Variants in OTUD7A observed in about 807,000 individuals in gnomAD.
The protein encoded by OTUD7A is OTU deubiquitinase 7A.
In OTUD7A, 12 loss-of-function variants were observed where a neutral mutation model predicts 65.7. The observed-to-expected ratio is 0.18, with a 90% CI of 0.12 to 0.30. The LOEUF (loss-of-function observed/expected upper bound fraction) is 0.30, where lower values mean the gene tolerates loss of function less well. OTUD7A is among the 10% of genes least tolerant of loss of function. OTUD7A has a pLI of 1.00. For synonymous variants in OTUD7A, 641 were observed against 586.3 expected (o/e 1.09, Z -1.35); for missense variants, 1,148 against 1,304.8 (o/e 0.88, Z 1.85).
rs1006031863 is a variant in OTUD7A, at chr15:31,600,126, C to T, written c.152-29929G>A. Among the ~76,000 whole-genome samples, 15 of 152,256 alleles carry T rather than the reference C, an allele frequency of 9.9e-5. No homozygotes were observed. In the South Asian group the frequency reaches 1.2e-3, roughly 13 times the overall value. Reference sequence around the variant, plus strand: ...AGCAAGGCAGGCCAACATTCAAATTCAGGAAATACAGAGAACACCACAAAG... The same window carrying T: ...AGCAAGGCAGGCCAACATTCAAATTTAGGAAATACAGAGAACACCACAAAG... On this transcript the variant is annotated intron_variant, in intron 3 of 12. Coordinates refer to ENST00000307050, the MANE Select transcript of OTUD7A (RefSeq NM_001382637.1).
At chr15:31,583,439 C>T (rs1031327792) in intron 3 of OTUD7A, among the ~76,000 whole-genome samples, 19 of 152,222 alleles carry the variant, frequency 1.2e-4, no homozygotes, top group Admixed American at 9.8e-4. Context: ...GCTGTGTCCC[C>T]ACCCAAATCT....
chr15:31,829,565 T>G (rs1213649321), intron 1 of OTUD7A, among the ~76,000 whole-genome samples: 1 of 152,222 alleles, frequency 6.6e-6, no homozygotes, highest in East Asian at 1.9e-4. Context: ...CATGTGCAGA[T>G]ACCTGTAATG....
chr15:31,794,622 T>C lies in OTUD7A; in HGVS notation c.-100+75885A>G, dbSNP rs1272352792. On this transcript the variant is annotated intron_variant, in intron 1 of 12. Coordinates refer to ENST00000307050, the MANE Select transcript of OTUD7A (RefSeq NM_001382637.1). ...CTGGCCTTGTTCTAAAGGCCGGGAATAGAATAGTGAAAAAAAAAAAAAAAA... is the reference window on the plus strand; with the variant it reads ...CTGGCCTTGTTCTAAAGGCCGGGAACAGAATAGTGAAAAAAAAAAAAAAAA... Among the ~76,000 whole-genome samples, 43 of 116,496 alleles carry C rather than the reference T, an allele frequency of 3.7e-4. No individual in the cohort carries two copies. The Admixed American group carries it at 4.3e-3, about 12-fold the overall frequency. 76.4% of individuals were successfully genotyped at this position (116,496 alleles called of 152,430 possible).
rs114184320 is a variant in OTUD7A at position 31,514,644 on chromosome 15, T to C, written c.894-10826A>G. Among the ~76,000 whole-genome samples, 459 of 152,352 alleles carry C rather than the reference T, an allele frequency of 3.0e-3. 2 individuals are homozygous for C. The highest frequency in any genetic ancestry group is 0.011 in the African/African-American group (450 of 41,590). On this transcript the variant is annotated intron_variant, in intron 8 of 12. Coordinates refer to ENST00000307050, the MANE Select transcript of OTUD7A (RefSeq NM_001382637.1). ...TTTCCTTATTTGATCAGTCTTCCCA[T>C]ATGTCAGCCATCTCCCACCTCTGCT... is the stretch of plus-strand genomic sequence containing the variant.
At chr15:31,592,896 AAAAAAAAAATATATAT>A (rs1889775585) in intron 3 of OTUD7A, among the ~76,000 whole-genome samples, 1 of 60,818 alleles carries the variant, frequency 1.6e-5, no homozygotes, top group Non-Finnish European at 2.7e-5. Context: ...AAAAAAAAAA[AAAAAAAAAATATATAT>A]ATATATATAT....
At chr15:31,835,237 C>T (rs1437062425) in intron 1 of OTUD7A, among the ~76,000 whole-genome samples, 1 of 152,208 alleles carries the variant, frequency 6.6e-6, no homozygotes, top group Admixed American at 6.5e-5. Flanking sequence ...ACAGGATGTC[C>T]AATTCATCTT....
chr15:31,820,307 C>A (rs992962442), intron 1 of OTUD7A, among the ~76,000 whole-genome samples: 2 of 152,178 alleles, frequency 1.3e-5, no homozygotes, highest in African/African-American at 4.8e-5. Flanking sequence ...ACCCACACAC[C>A]ATTTGCCTTC....
At chr15:31,764,865 A>C (rs1368135153) in intron 1 of OTUD7A, among the ~76,000 whole-genome samples, 1 of 152,152 alleles carries the variant, frequency 6.6e-6, no homozygotes, top group Non-Finnish European at 1.5e-5. Flanking sequence ...TCATCATAGA[A>C]GTCAGTCTTT....
chr15:31,489,276 A>G (rs1478100486), intron 10 of OTUD7A, among the ~76,000 whole-genome samples: 1 of 152,234 alleles, frequency 6.6e-6, no homozygotes, highest in Non-Finnish European at 1.5e-5. Context: ...CAAAGTGTCC[A>G]GGAAAGGGAC....
At chr15:31,852,161 C>T (rs890603919) in intron 1 of OTUD7A, among the ~76,000 whole-genome samples, 2 of 152,212 alleles carry the variant, frequency 1.3e-5, no homozygotes, top group Non-Finnish European at 2.9e-5. Flanking sequence ...CCAGCCCTGA[C>T]TGCCTTTTAA....
chr15:31,583,293 T>A (rs1036375626), intron 3 of OTUD7A, among the ~76,000 whole-genome samples: 1 of 152,340 alleles, frequency 6.6e-6, no homozygotes, highest in African/African-American at 2.4e-5. Context: ...CACTTTTCTA[T>A]GGATGCAGTT....
chr15:31,652,395 A>C (rs1891866927), intron 3 of OTUD7A, among the ~76,000 whole-genome samples: 1 of 152,244 alleles, frequency 6.6e-6, no homozygotes, highest in Non-Finnish European at 1.5e-5. Flanking sequence ...CTTTTAAAAG[A>C]CCAACTACAA....
chr15:31,717,084 A>G lies in OTUD7A; in HGVS notation c.-99-60007T>C, dbSNP rs577032339. Among the ~76,000 whole-genome samples, 5 of 152,314 alleles carry G rather than the reference A, an allele frequency of 3.3e-5. No individual in the cohort carries two copies. The East Asian group carries it at 9.6e-4, about 29-fold the overall frequency. ...TTCTCTCCACATACAAGTCTGTTCT[A>G]CAGATACTATTCAGGTTTCATCCAT... is the stretch of plus-strand genomic sequence containing the variant. On this transcript the variant is annotated intron_variant, in intron 1 of 12. Coordinates refer to ENST00000307050, the MANE Select transcript of OTUD7A (RefSeq NM_001382637.1).
chr15:31,664,851 G>T (rs1214446480), intron 1 of OTUD7A, among the ~76,000 whole-genome samples: 1 of 152,148 alleles, frequency 6.6e-6, no homozygotes, highest in Non-Finnish European at 1.5e-5. Flanking sequence ...GAGAGATGAG[G>T]ATCCTGTTCC....
intron 2 of OTUD7A, among the ~76,000 whole-genome samples, chr15:31,656,072 T>A (rs946698234): frequency 6.6e-6 from 1 of 152,094 alleles, no homozygotes; most frequent in African/African-American, 2.4e-5. Flanking sequence ...CTATCTACCA[T>A]CCCTCTAAGA....
intron 1 of OTUD7A, among the ~76,000 whole-genome samples, chr15:31,660,275 A>T (rs1027055897): frequency 6.6e-6 from 1 of 152,204 alleles, no homozygotes; most frequent in African/African-American, 2.4e-5. Context: ...AATGAATTGG[A>T]TGTCTCAACT....
rs767244642 is a variant in OTUD7A, at chr15:31,688,637, T to C, written c.-99-31560A>G. On this transcript the variant is annotated intron_variant, in intron 1 of 12. Coordinates refer to ENST00000307050, the MANE Select transcript of OTUD7A (RefSeq NM_001382637.1). ...TCGATATTATATTTCACAGTGGTAATAGTGCTATACTTTTGTAGAAGGTAG... is the reference window on the plus strand; with the variant it reads ...TCGATATTATATTTCACAGTGGTAACAGTGCTATACTTTTGTAGAAGGTAG... Among the ~76,000 whole-genome samples the C allele has an allele frequency of 3.7e-4, 56 of 152,326 alleles. 1 individual carries two copies. Among genetic ancestry groups the C allele is most frequent in the Non-Finnish European group, 6.9e-4 (47 of 68,040 alleles).
chr15:31,798,966 A>G (rs1335818598), intron 1 of OTUD7A, among the ~76,000 whole-genome samples: 3 of 152,184 alleles, frequency 2.0e-5, no homozygotes, highest in Admixed American at 1.3e-4. Context: ...GACACAGCCT[A>G]CTGGAAGAGG....
chr15:31,643,293 T>C (rs1891570944), intron 3 of OTUD7A, among the ~76,000 whole-genome samples: 1 of 152,212 alleles, frequency 6.6e-6, no homozygotes, highest in Non-Finnish European at 1.5e-5. Context: ...CTTTCACTGA[T>C]GCCTTTAATA....
Sources: allele counts gnomAD v4.1 joint callset (sites outside exome capture counted in the v4.1 genomes callset), GRCh38; gene constraint gnomAD v4.1.1; transcripts MANE v1.5; gene names NCBI Gene and HGNC (gene_info 2026-07-23, HGNC 2026-07-21).